Variants in GLIS3 observed in about 807,000 individuals in gnomAD.
GLIS3 encodes zinc finger protein GLIS3.
Under a neutral mutation model 78.6 loss-of-function variants are expected in GLIS3, and 53 were observed. The observed-to-expected ratio is 0.67, with a 90% CI of 0.54 to 0.85. The LOEUF (loss-of-function observed/expected upper bound fraction) is 0.85. GLIS3 is among the 40% of genes least tolerant of loss of function. The pLI, the probability that GLIS3 is intolerant of heterozygous loss-of-function variation, is 0.00. For missense variants in GLIS3, 1,703 were observed against 1,231.1 expected (o/e 1.38, Z -5.74); for synonymous variants, 684 against 509.9 (o/e 1.34, Z -4.60).
intron 4 of GLIS3, among the ~76,000 whole-genome samples, chr9:4,029,620 C>T (rs959034066): frequency 1.3e-5 from 2 of 151,956 alleles, no homozygotes; most frequent in Non-Finnish European, 2.9e-5. Flanking sequence ...CCTTCTCAGC[C>T]TATGGTAACC....
At chr9:3,874,149 G>T (rs534441237) in intron 8 of GLIS3, among the ~76,000 whole-genome samples, 10 of 152,156 alleles carry the variant, frequency 6.6e-5, no homozygotes, top group African/African-American at 2.4e-4. Context: ...AGAGACCAAG[G>T]CAGGATTAGA....
At chr9:3,990,855 C>T (rs898814401) in intron 4 of GLIS3, among the ~76,000 whole-genome samples, 1 of 152,192 alleles carries the variant, frequency 6.6e-6, no homozygotes, top group Non-Finnish European at 1.5e-5. Flanking sequence ...TTTTCTCCCT[C>T]TCTTCCAAAA....
intron 2 of GLIS3, among the ~76,000 whole-genome samples, chr9:4,260,630 C>T (rs1289874071): frequency 3.3e-5 from 5 of 151,798 alleles, no homozygotes; most frequent in African/African-American, 1.2e-4. Flanking sequence ...CCTGTAGTCC[C>T]AGCTACTCAG....
At chr9:3,992,069 T>C (rs113639587) in intron 4 of GLIS3, among the ~76,000 whole-genome samples, 3 of 152,258 alleles carry the variant, frequency 2.0e-5, no homozygotes, top group African/African-American at 7.2e-5. Context: ...TTTTATAATA[T>C]AGAGTAAGTA....
intron 2 of GLIS3, among the ~76,000 whole-genome samples, chr9:4,205,035 G>A (rs1819740605): frequency 6.6e-6 from 1 of 151,994 alleles, no homozygotes; most frequent in African/African-American, 2.4e-5. Flanking sequence ...AATTAGCTGG[G>A]CGTGGTGGTT....
chr9:4,480,747 C>T, the GLIS3 span, among the ~76,000 whole-genome samples: 1 of 151,502 alleles, frequency 6.6e-6, no homozygotes, highest in African/African-American at 2.4e-5. Flanking sequence ...ACCCTTAACA[C>T]ACACATACAT....
intron 6 of GLIS3, among the ~76,000 whole-genome samples, chr9:3,921,921 T>C (rs1824913561): frequency 4.1e-5 from 1 of 24,270 alleles, no homozygotes; most frequent in Non-Finnish European, 8.3e-5. Flanking sequence ...CATCATACTG[T>C]GTACACACAC....
Position 4,112,763 on chromosome 9 carries a change from T to C in GLIS3, c.1710+5005A>G, listed in dbSNP as rs147369775. Among the ~76,000 whole-genome samples the C allele has an allele frequency of 1.9e-3, 290 of 152,322 alleles. 2 individuals carry two copies. Among genetic ancestry groups the C allele is most frequent in the African/African-American group, 6.3e-3 (261 of 41,564 alleles). ...CTTTCATTTATTTTTAGATAAAATA[T>C]ATCCTTATAGTTATGAAATATTTCA... On this transcript the variant is annotated intron_variant, in intron 4 of 10. Coordinates refer to ENST00000381971, the MANE Select transcript of GLIS3 (RefSeq NM_001042413.2).
intron 4 of GLIS3, among the ~76,000 whole-genome samples, chr9:3,992,015 A>G (rs1563927523): frequency 6.6e-6 from 1 of 152,144 alleles, no homozygotes; most frequent in Non-Finnish European, 1.5e-5. Flanking sequence ...TAAATGAGAC[A>G]CTGTATCTTA....
intron 6 of GLIS3, among the ~76,000 whole-genome samples, chr9:3,918,438 A>G (rs1824661672): frequency 6.6e-6 from 1 of 152,178 alleles, no homozygotes; most frequent in African/African-American, 2.4e-5. Flanking sequence ...TCTATTATAA[A>G]AGATTCAAGT....
At chr9:3,863,245 T>C (rs1049172599) in intron 8 of GLIS3, among the ~76,000 whole-genome samples, 7 of 152,258 alleles carry the variant, frequency 4.6e-5, no homozygotes, top group African/African-American at 1.4e-4. Context: ...TATCTACTTA[T>C]ACTTCCCTTC....
intron 4 of GLIS3, among the ~76,000 whole-genome samples, chr9:3,996,439 G>A (rs1220040169): frequency 6.6e-6 from 1 of 152,158 alleles, no homozygotes; most frequent in Non-Finnish European, 1.5e-5. Context: ...TTCTGGTGTG[G>A]TGTGAATTGA....
intron 2 of GLIS3, among the ~76,000 whole-genome samples, chr9:4,256,333 G>T (rs983888481): frequency 2.6e-5 from 4 of 152,162 alleles, no homozygotes; most frequent in African/African-American, 9.7e-5. Context: ...AAAGGTTAAT[G>T]TTTTAATATT....
At chr9:4,180,941 G>C (rs937101735) in intron 2 of GLIS3, among the ~76,000 whole-genome samples, 14 of 152,132 alleles carry the variant, frequency 9.2e-5, no homozygotes, top group Non-Finnish European at 1.5e-5. Flanking sequence ...CCATCTCCCT[G>C]GGCATCCTGA....
intron 8 of GLIS3, among the ~76,000 whole-genome samples, chr9:3,861,892 C>T (rs1400881330): frequency 6.6e-6 from 1 of 152,198 alleles, no homozygotes; most frequent in African/African-American, 2.4e-5. Context: ...CACATGTTTA[C>T]TTCTGTAACA....
chr9:4,049,706 A>G, intron 4 of GLIS3, among the ~76,000 whole-genome samples: 1 of 152,196 alleles, frequency 6.6e-6, no homozygotes, highest in Non-Finnish European at 1.5e-5. Context: ...CATCTGACAA[A>G]GGACTAATAT....
chr9:4,212,207 T>TC (rs1820438638), intron 2 of GLIS3, among the ~76,000 whole-genome samples: 1 of 152,140 alleles, frequency 6.6e-6, no homozygotes, highest in Admixed American at 6.5e-5. Flanking sequence ...ATAACAAGGG[T>TC]CATTGATCTG....
upstream of GLIS3, chr9:4,305,063 G>C (rs554826288): frequency 6.6e-6 from 1 of 152,088 alleles, no homozygotes; most frequent in Non-Finnish European, 1.5e-5. Flanking sequence ...CACAACATCC[G>C]AATCAGGTAA....
At chr9:4,048,283 G>A (rs1825420106) in intron 4 of GLIS3, among the ~76,000 whole-genome samples, 2 of 152,178 alleles carry the variant, frequency 1.3e-5, no homozygotes, top group Admixed American at 6.5e-5. Context: ...TGATATGTGT[G>A]AGGATCAAGA....
Sources: allele counts gnomAD v4.1 joint callset (sites outside exome capture counted in the v4.1 genomes callset), GRCh38; gene constraint gnomAD v4.1.1; transcripts MANE v1.5; gene names NCBI Gene and HGNC (gene_info 2026-07-23, HGNC 2026-07-21).